The following RAD54L2 variants were observed in gnomAD, a reference collection of about 807,000 sequenced individuals.
RAD54L2 encodes the protein helicase ARIP4.
In RAD54L2, 27 loss-of-function variants were observed where a neutral mutation model predicts 138.4. That is an observed-to-expected ratio of 0.20 (90% CI 0.14 to 0.27). The LOEUF is 0.27. Among genes scored for constraint, RAD54L2 ranks in the 10% least tolerant of loss-of-function variants. RAD54L2 has a pLI of 1.00. For missense variants in RAD54L2, 1,396 were observed against 1,890.2 expected, an observed-to-expected ratio of 0.74 and a Z score of 4.85; for synonymous variants, 644 against 723.2, an observed-to-expected ratio of 0.89 and a Z score of 1.76.
chr3:51,572,139 CG>C (rs1471561683), intron 2 of RAD54L2, among the ~76,000 whole-genome samples: 1 of 152,024 alleles, frequency 6.6e-6, no homozygotes, highest in Non-Finnish European at 1.5e-5. Context: ...CATATGTAAC[CG>C]TGATTGGTTA....
chr3:51,637,627 A>T lies in RAD54L2; in HGVS notation c.1682+124A>T. The T allele has an allele frequency of 2.1e-6, 2 of 959,986 alleles. No homozygotes were observed. Among genetic ancestry groups the T allele is most frequent in the Admixed American group, 2.8e-5 (1 of 35,228 alleles). The allele number at this position is 959,986 out of a possible 1,614,324, so 59.5% of individuals were successfully genotyped here. ...GGGCCCCTTCCCTGGGGCAGTAGTAAAACTTTGCTTCCTGTGACAAGCTAG... is the reference window on the plus strand; with the variant it reads ...GGGCCCCTTCCCTGGGGCAGTAGTATAACTTTGCTTCCTGTGACAAGCTAG... On this transcript the variant is annotated intron_variant, in intron 11 of 22. Coordinates refer to ENST00000684192, the MANE Select transcript of RAD54L2 (RefSeq NM_015106.4). The surrounding 1 kb of genome is among the most constrained non-coding windows in gnomAD (Gnocchi z 5.9).
At chr3:51,639,118 C>G (rs111256390) in intron 12 of RAD54L2, 3 of 392,752 alleles carry the variant, frequency 7.6e-6, no homozygotes, top group African/African-American at 4.0e-5. Flanking sequence ...AACATTCTTA[C>G]TCTTATTTGA....
At chr3:51,549,705 A>C (rs1415353478) in intron 2 of RAD54L2, among the ~76,000 whole-genome samples, 2 of 150,270 alleles carry the variant, frequency 1.3e-5, no homozygotes, top group Non-Finnish European at 3.0e-5. Context: ...TTGAACCTGG[A>C]AGGTGGAGGT....
intron 3 of RAD54L2, among the ~76,000 whole-genome samples, chr3:51,592,691 C>T (rs559328105): frequency 1.3e-5 from 2 of 151,964 alleles, no homozygotes; most frequent in African/African-American, 4.8e-5. Flanking sequence ...TCTCCTGCCT[C>T]AGCCTCCTGA....
chr3:51,545,840 C>CAATCA (rs1698678415), intron 2 of RAD54L2, among the ~76,000 whole-genome samples: 1 of 151,714 alleles, frequency 6.6e-6, no homozygotes, highest in Non-Finnish European at 1.5e-5. Flanking sequence ...GTTGGCCTCC[C>CAATCA]AATCAAATTA....
Position 51,641,753 on chromosome 3 carries a change from A to T in RAD54L2, c.2236A>T (p.Ser746Cys). The T allele has an allele frequency of 6.3e-7, 1 of 1,577,062 alleles. No homozygotes were observed. Among genetic ancestry groups the T allele is most frequent in the East Asian group, 2.3e-5 (1 of 43,462 alleles). ...ACGAAATGTTTTCTGTTTCAGCCAG[A>T]GTCTTTCCACCTTGGCTCTCATCGA... ...LGDKILVFSQ[S>C]LSTLALIEEF... Residue 746 changes from serine to cysteine, a missense_variant, in exon 15 of 23, where the codon AGT (serine) becomes TGT (cysteine). Physicochemically the swap from Ser to Cys is moderately radical, Grantham distance 112. Around this residue, in one of 7 missense-constraint regions of RAD54L2, gnomAD observed 211 missense variants for 273.8 expected, o/e 0.77. Coordinates refer to ENST00000684192, the MANE Select transcript of RAD54L2 (RefSeq NM_015106.4).
At chr3:51,617,891 A>G (rs1700483365) in intron 3 of RAD54L2, among the ~76,000 whole-genome samples, 1 of 152,192 alleles carries the variant, frequency 6.6e-6, no homozygotes, top group Admixed American at 6.6e-5. Context: ...TCTAAAATAT[A>G]AATACACACA....
chr3:51,565,833 C>T (rs1304582593), intron 2 of RAD54L2, among the ~76,000 whole-genome samples: 2 of 148,812 alleles, frequency 1.3e-5, no homozygotes, highest in African/African-American at 4.9e-5. Context: ...CCCCCACCCC[C>T]CCCTTTTTTT....
At chr3:51,630,168 C>G (rs1700802235) in intron 5 of RAD54L2, 104 bp from the exon 6 acceptor site, 1 of 832,016 alleles carries the variant, frequency 1.2e-6, no homozygotes, top group African/African-American at 1.7e-5. Flanking sequence ...AGTGGATACT[C>G]CCCATGAGAG....
At chr3:51,595,708 A>T (rs1447220297) in intron 3 of RAD54L2, among the ~76,000 whole-genome samples, 1 of 152,006 alleles carries the variant, frequency 6.6e-6, no homozygotes, top group Non-Finnish European at 1.5e-5. Flanking sequence ...ATGTTAAAGG[A>T]CCCATGACAT....
chr3:51,586,362 C>T (rs1474512570), intron 2 of RAD54L2, among the ~76,000 whole-genome samples: 1 of 152,044 alleles, frequency 6.6e-6, no homozygotes, highest in South Asian at 2.1e-4. Flanking sequence ...AAGCAATTCC[C>T]CCACCATGGC....
chr3:51,611,797 C>A (rs568515359), intron 3 of RAD54L2, among the ~76,000 whole-genome samples: 2 of 152,146 alleles, frequency 1.3e-5, no homozygotes, highest in South Asian at 2.1e-4. Flanking sequence ...ACCTCGTGAT[C>A]CACCCGCCTC....
At position 51,666,279 on chromosome 3, in the gene RAD54L2, C is replaced by G. The variant is rs1419216561; in HGVS notation, c.*2859C>G. The G allele has an allele frequency of 2.1e-5, 3 of 140,336 alleles. No individual in the cohort carries two copies. Among genetic ancestry groups the G allele is most frequent in the African/African-American group, 8.0e-5 (3 of 37,486 alleles). The allele number at this position is 140,336 out of a possible 1,614,324, so 8.7% of individuals were successfully genotyped here. ...TTATATGTGCTGATAGGCAAATGTG[C>G]ATGCACACCAAACATAAGCATGTTT... is the stretch of plus-strand genomic sequence containing the variant. On this transcript the variant is annotated 3_prime_UTR_variant, in exon 23 of 23. Transcript: ENST00000684192.
chr3:51,593,492 G>A (rs1008806536), intron 3 of RAD54L2, among the ~76,000 whole-genome samples: 23 of 151,844 alleles, frequency 1.5e-4, no homozygotes, highest in South Asian at 2.1e-4. Context: ...ACCACCATGC[G>A]TGGCTAATTT....
chr3:51,570,539 C>T (rs192444771), intron 2 of RAD54L2, among the ~76,000 whole-genome samples: 2 of 151,540 alleles, frequency 1.3e-5, no homozygotes, highest in African/African-American at 2.4e-5. Flanking sequence ...TCACTGCAAC[C>T]TCTGCCTCCT....
chr3:51,563,474 T>C (rs1324718455), intron 2 of RAD54L2, among the ~76,000 whole-genome samples: 1 of 152,138 alleles, frequency 6.6e-6, no homozygotes, highest in Non-Finnish European at 1.5e-5. Context: ...ATCCATCCCA[T>C]CTACTTTTTC....
intron 3 of RAD54L2, among the ~76,000 whole-genome samples, chr3:51,627,083 G>A (rs112567778): frequency 1.3e-5 from 2 of 152,280 alleles, no homozygotes; most frequent in African/African-American, 4.8e-5. Flanking sequence ...GATATTGCTT[G>A]CCATAAGCCC....
At chr3:51,568,357 C>T (rs1699262438) in intron 2 of RAD54L2, among the ~76,000 whole-genome samples, 1 of 152,106 alleles carries the variant, frequency 6.6e-6, no homozygotes, top group African/African-American at 2.4e-5. Flanking sequence ...TTTATTTTGG[C>T]TGCAGTGCTG....
chr3:51,570,139 ATTTTTT>A (rs374562749), intron 2 of RAD54L2, among the ~76,000 whole-genome samples: 2 of 100,984 alleles, frequency 2.0e-5, no homozygotes, highest in Non-Finnish European at 4.0e-5. Context: ...AGCCTTTTTA[ATTTTTT>A]TTTTTTTTTT....
Sources: gnomAD v4.1 joint callset for allele counts (sites outside exome capture counted in the v4.1 genomes callset) on GRCh38, gnomAD v4.1.1 for gene constraint, gnomAD v4.1.1 regional missense constraint, Gnocchi (gnomAD v3.1) non-coding constraint, MANE v1.5 for transcripts, NCBI Gene and HGNC (gene_info 2026-07-23, HGNC 2026-07-21) for gene names.